The following SFMBT2 variants were observed in gnomAD, a reference collection of about 807,000 sequenced individuals.
SFMBT2 encodes Scm like with four mbt domains 2, also known as scm-like with four MBT domains protein 2.
In SFMBT2, 38 loss-of-function variants were observed where a neutral mutation model predicts 110.1. That is an observed-to-expected ratio of 0.35 (90% CI 0.27 to 0.45). The LOEUF (loss-of-function observed/expected upper bound fraction) is 0.45. Ranked by LOEUF, SFMBT2 falls within the 20% of genes least tolerant of loss-of-function variation. The probability of loss-of-function intolerance (pLI) is 1.00; values close to 1 mark genes in which losing one functional copy is unlikely to be tolerated. For synonymous variants in SFMBT2, 425 were observed against 425.4 expected (o/e 1.00, Z 0.01); for missense variants, 1,011 against 1,094.9 (o/e 0.92, Z 1.08).
chr10:7,273,325 A>G (rs1841660648), intron 7 of SFMBT2, among the ~76,000 whole-genome samples: 1 of 152,216 alleles, frequency 6.6e-6, no homozygotes, highest in East Asian at 1.9e-4. Context: ...AAGATTCCTA[A>G]GTTGGGTCCT....
intron 1 of SFMBT2, among the ~76,000 whole-genome samples, chr10:7,384,130 G>C (rs903008831): frequency 7.5e-6 from 1 of 133,302 alleles, no homozygotes; most frequent in Non-Finnish European, 1.5e-5. Context: ...AGAATCGCTT[G>C]AACCCGGGAG....
At chr10:7,357,542 A>C (rs944468542) in intron 4 of SFMBT2, among the ~76,000 whole-genome samples, 1 of 152,120 alleles carries the variant, frequency 6.6e-6, no homozygotes, top group African/African-American at 2.4e-5. Context: ...CAGCCTACAG[A>C]TCTTCCCCAT....
At chr10:7,239,846 G>C (rs1458395109) in intron 9 of SFMBT2, among the ~76,000 whole-genome samples, 1 of 152,132 alleles carries the variant, frequency 6.6e-6, no homozygotes, top group Non-Finnish European at 1.5e-5. Flanking sequence ...ATACGGTTGT[G>C]TAGAAAAAGC....
intron 10 of SFMBT2, among the ~76,000 whole-genome samples, chr10:7,225,251 G>C (rs1317854689): frequency 1.3e-5 from 2 of 152,136 alleles, no homozygotes; most frequent in Middle Eastern, 3.2e-3. Flanking sequence ...AGGATCAATA[G>C]CAAAACTGTT....
At chr10:7,387,991 C>CCAG in intron 1 of SFMBT2, among the ~76,000 whole-genome samples, 1 of 150,530 alleles carries the variant, frequency 6.6e-6, no homozygotes, top group East Asian at 2.0e-4. Flanking sequence ...CGTGGAGGTA[C>CCAG]CAGCAGCAAA....
chr10:7,366,036 C>T (rs1337607837), intron 4 of SFMBT2, among the ~76,000 whole-genome samples: 2 of 152,126 alleles, frequency 1.3e-5, no homozygotes, highest in South Asian at 2.1e-4. Context: ...AAGGCGCAGG[C>T]AGCCACGTGG....
At chr10:7,323,446 A>G in intron 4 of SFMBT2, among the ~76,000 whole-genome samples, 1 of 125,322 alleles carries the variant, frequency 8.0e-6, no homozygotes, top group Admixed American at 8.5e-5. Flanking sequence ...GCAAGACTCC[A>G]TCTCAAAAAA....
intron 12 of SFMBT2, chr10:7,203,291 A>G (rs1168388180): frequency 5.5e-6 from 1 of 180,562 alleles, no homozygotes; most frequent in East Asian, 1.9e-4. Context: ...AAAATACTCA[A>G]TAAGATCCCG....
intron 2 of SFMBT2, chr10:7,370,652 A>G (rs1444429476): frequency 5.8e-6 from 1 of 171,576 alleles, no homozygotes; most frequent in Non-Finnish European, 1.2e-5. Flanking sequence ...GTTCCAACGC[A>G]TATTTGCTAC....
intron 1 of SFMBT2, among the ~76,000 whole-genome samples, chr10:7,398,607 G>T (rs946936761): frequency 1.3e-5 from 2 of 151,974 alleles, no homozygotes; most frequent in Admixed American, 6.5e-5. Flanking sequence ...ATTTTTGTGG[G>T]TACATGGTGT....
intron 16 of SFMBT2, among the ~76,000 whole-genome samples, chr10:7,177,116 C>G (rs770146592): frequency 6.6e-6 from 1 of 152,212 alleles, no homozygotes; most frequent in South Asian, 2.1e-4. Flanking sequence ...TTGCTTTCTC[C>G]GAAGCAGTAA....
chr10:7,238,516 T>G (rs905526684), intron 9 of SFMBT2, among the ~76,000 whole-genome samples: 1 of 152,192 alleles, frequency 6.6e-6, no homozygotes, highest in Non-Finnish European at 1.5e-5. Context: ...AGCTCATCAG[T>G]CAGTGTCTGA....
Position 7,336,994 on chromosome 10 carries a change from TTCTG to T in SFMBT2, c.436+30651_436+30654del, listed in dbSNP as rs143824198. On this transcript the variant is annotated intron_variant, in intron 4 of 20. Transcript: ENST00000397167. ...TTACAGTATCAACTGTTGGAGTACT[TTCTG>T]TCACCAGTAAGATTTAACCCAATGA... Among the ~76,000 whole-genome samples, 402 of 152,306 alleles carry T rather than the reference TTCTG, an allele frequency of 2.6e-3. 2 individuals are homozygous for T. The highest frequency in any genetic ancestry group is 8.9e-3 in the African/African-American group (369 of 41,570).
rs552383076 is a variant in SFMBT2, at chr10:7,185,258, C to T, written c.1808+3366G>A. Among the ~76,000 whole-genome samples the T allele has an allele frequency of 3.1e-4, 47 of 152,272 alleles. No homozygotes were observed. In the South Asian group the frequency reaches 9.3e-3, roughly 30 times the overall value. On this transcript the variant is annotated intron_variant, in intron 16 of 20. Transcript: ENST00000397167. Reference sequence around the variant, plus strand: ...GACTGGTTCATGGCTTTGCTTAACGCGAAGTTCACCTCGTGCGTTTTCAGG... The same window carrying T: ...GACTGGTTCATGGCTTTGCTTAACGTGAAGTTCACCTCGTGCGTTTTCAGG...
intron 4 of SFMBT2, among the ~76,000 whole-genome samples, chr10:7,291,976 C>T (rs1238778903): frequency 6.6e-6 from 1 of 152,288 alleles, no homozygotes; most frequent in East Asian, 1.9e-4. Context: ...CTGCAGCCCC[C>T]ACACTAATTT....
At chr10:7,323,738 A>G (rs971134096) in intron 4 of SFMBT2, among the ~76,000 whole-genome samples, 4 of 152,220 alleles carry the variant, frequency 2.6e-5, no homozygotes, top group African/African-American at 9.6e-5. Flanking sequence ...AAGAAAGTAC[A>G]TATTGATAAA....
intron 20 of SFMBT2, among the ~76,000 whole-genome samples, chr10:7,165,035 C>G (rs184979647): frequency 6.6e-5 from 10 of 152,272 alleles, no homozygotes; most frequent in African/African-American, 2.2e-4. Flanking sequence ...CTGGTTCATT[C>G]ACATAGATGT....
intron 1 of SFMBT2, among the ~76,000 whole-genome samples, chr10:7,390,598 T>C (rs71481718): frequency 7.9e-5 from 12 of 152,294 alleles, no homozygotes; most frequent in African/African-American, 2.4e-4. Flanking sequence ...AATGTAGTCA[T>C]GTACCAAGTT....
chr10:7,317,582 G>A (rs1353431254), intron 4 of SFMBT2, among the ~76,000 whole-genome samples: 8 of 148,014 alleles, frequency 5.4e-5, no homozygotes, highest in African/African-American at 1.3e-4. Flanking sequence ...CGGAGGTTGC[G>A]GTGAGCGAAG....
Sources: gnomAD v4.1 joint callset for allele counts (sites outside exome capture counted in the v4.1 genomes callset) on GRCh38, gnomAD v4.1.1 for gene constraint, MANE v1.5 for transcripts, NCBI Gene and HGNC (gene_info 2026-07-23, HGNC 2026-07-21) for gene names.